Variants in LINGO2 observed in about 807,000 individuals in gnomAD.
LINGO2 encodes leucine rich repeat and Ig domain containing 2.
Under a neutral mutation model 30.6 loss-of-function variants are expected in LINGO2, and 14 were observed. The ratio of observed to expected loss-of-function variants is 0.46; its 90% CI spans 0.30 to 0.72. LINGO2 has a LOEUF of 0.72. LINGO2 is among the 30% of genes least tolerant of loss of function. LINGO2 has a pLI of 0.07. For missense variants in LINGO2, 729 were observed against 751.7 expected, an observed-to-expected ratio of 0.97 and a Z score of 0.35; for synonymous variants, 317 against 288.5, an observed-to-expected ratio of 1.10 and a Z score of -1.00.
At chr9:28,745,404 G>A in the LINGO2 span, among the ~76,000 whole-genome samples, 1 of 151,966 alleles carries the variant, frequency 6.6e-6, no homozygotes, top group Non-Finnish European at 1.5e-5. Context: ...TATGGGGTTG[G>A]GGTAAGGTGG....
intron 4 of LINGO2, among the ~76,000 whole-genome samples, chr9:28,286,012 A>G (rs1823494118): frequency 6.6e-6 from 1 of 152,206 alleles, no homozygotes; most frequent in South Asian, 2.1e-4. Flanking sequence ...TTTATCCATA[A>G]AGGCAACATG....
At chr9:28,189,934 G>A (rs1356446810) in intron 4 of LINGO2, among the ~76,000 whole-genome samples, 1 of 151,768 alleles carries the variant, frequency 6.6e-6, no homozygotes, top group Non-Finnish European at 1.5e-5. Flanking sequence ...CTAGAAAGGG[G>A]GACAGCAAAA....
chr9:28,679,889 TGTATAATA>T, the LINGO2 span, among the ~76,000 whole-genome samples: 1 of 152,050 alleles, frequency 6.6e-6, no homozygotes, highest in Non-Finnish European at 1.5e-5. Flanking sequence ...GAATGGCTAA[TGTATAATA>T]GTATAATTAC....
chr9:29,109,043 T>C, the LINGO2 span, among the ~76,000 whole-genome samples: 1 of 152,218 alleles, frequency 6.6e-6, no homozygotes, highest in Non-Finnish European at 1.5e-5. Flanking sequence ...TCATTTTTGA[T>C]ATAAAATTGA....
intron 4 of LINGO2, among the ~76,000 whole-genome samples, chr9:28,265,290 T>C (rs934348572): frequency 1.3e-5 from 2 of 151,906 alleles, no homozygotes; most frequent in Non-Finnish European, 2.9e-5. Flanking sequence ...CAGGGATACC[T>C]CTTCTGAGTA....
intron 2 of LINGO2, among the ~76,000 whole-genome samples, chr9:28,456,666 G>T (rs573533436): frequency 1.3e-5 from 2 of 152,208 alleles, no homozygotes; most frequent in African/African-American, 4.8e-5. Context: ...CTATGACCTT[G>T]AATGCCAGAT....
At chr9:28,150,906 G>A (rs925148617) in intron 4 of LINGO2, among the ~76,000 whole-genome samples, 1 of 152,212 alleles carries the variant, frequency 6.6e-6, no homozygotes, top group Non-Finnish European at 1.5e-5. Flanking sequence ...TATTAAGAAT[G>A]TCAGAGAGCT....
chr9:28,680,032 C>T, the LINGO2 span, among the ~76,000 whole-genome samples: 1 of 151,860 alleles, frequency 6.6e-6, no homozygotes, highest in Non-Finnish European at 1.5e-5. Context: ...TTCTAGGTGA[C>T]TGTGTTATTG....
the LINGO2 span, among the ~76,000 whole-genome samples, chr9:28,743,680 C>G: frequency 6.6e-6 from 1 of 151,958 alleles, no homozygotes; most frequent in Non-Finnish European, 1.5e-5. Context: ...ATAAATTGAA[C>G]TGCCCTCTAT....
In LINGO2 at chr9:28,373,092, G is replaced by C. The variant is rs968082672; in HGVS notation, c.-278-224C>G. ...TACTTTTTAAATTTTGTCATAATTT[G>C]CTTTTTAAAATTTCTTATGAGTATA... On this transcript the variant is annotated intron_variant, in intron 2 of 5. Transcript: ENST00000379992. 2.6e-5 allele frequency among the ~76,000 whole-genome samples: 4 copies of C among 151,684 alleles called. No homozygotes were observed. The South Asian group carries it at 8.3e-4, about 32-fold the overall frequency.
chr9:28,790,673 A>G, the LINGO2 span, among the ~76,000 whole-genome samples: 8 of 152,000 alleles, frequency 5.3e-5, no homozygotes, highest in African/African-American at 1.9e-4. Flanking sequence ...GTCTCTCATC[A>G]TCACAAGAAG....
chr9:28,272,550 T>C (rs1255135657), intron 4 of LINGO2, among the ~76,000 whole-genome samples: 1 of 152,222 alleles, frequency 6.6e-6, no homozygotes, highest in Non-Finnish European at 1.5e-5. Flanking sequence ...AATTACTTTG[T>C]TAACTCAATT....
intron 1 of LINGO2, among the ~76,000 whole-genome samples, chr9:28,482,072 C>T (rs973518872): frequency 2.0e-5 from 3 of 151,906 alleles, no homozygotes; most frequent in South Asian, 4.2e-4. Context: ...TGAATAGTGC[C>T]GCAATAAACA....
the LINGO2 span, among the ~76,000 whole-genome samples, chr9:28,988,802 T>C: frequency 6.6e-6 from 1 of 152,206 alleles, no homozygotes; most frequent in African/African-American, 2.4e-5. Flanking sequence ...GTGGGACTGG[T>C]GGCACAGTTG....
the LINGO2 span, among the ~76,000 whole-genome samples, chr9:29,075,820 C>A: frequency 6.6e-3 from 998 of 152,180 alleles, 16 homozygotes; most frequent in African/African-American, 0.023. Context: ...CTCCTTACAT[C>A]AAAATCTAAT....
At chr9:28,460,265 A>G (rs952538512) in intron 2 of LINGO2, among the ~76,000 whole-genome samples, 1 of 152,182 alleles carries the variant, frequency 6.6e-6, no homozygotes, top group Non-Finnish European at 1.5e-5. Context: ...CTCACATAAG[A>G]TATATCTCTT....
the LINGO2 span, among the ~76,000 whole-genome samples, chr9:29,002,466 C>T: frequency 2.0e-5 from 3 of 152,076 alleles, no homozygotes; most frequent in Admixed American, 2.0e-4. Flanking sequence ...CTGCTGATAA[C>T]ATACTAAATG....
chr9:28,215,363 T>C (rs1003260608), intron 4 of LINGO2, among the ~76,000 whole-genome samples: 2 of 151,810 alleles, frequency 1.3e-5, no homozygotes, highest in African/African-American at 2.4e-5. Context: ...ATATGGGCAG[T>C]TGGCGATGAT....
intron 1 of LINGO2, among the ~76,000 whole-genome samples, chr9:28,564,104 C>T (rs1313794408): frequency 2.0e-5 from 3 of 152,090 alleles, no homozygotes; most frequent in African/African-American, 4.8e-5. Context: ...ACACTTAACA[C>T]ATTGGTAACC....
Sources: gnomAD v4.1 joint callset for allele counts (sites outside exome capture counted in the v4.1 genomes callset) on GRCh38, gnomAD v4.1.1 for gene constraint, MANE v1.5 for transcripts, NCBI Gene and HGNC (gene_info 2026-07-23, HGNC 2026-07-21) for gene names.